Variants in SEPTIN4 observed in about 807,000 individuals in gnomAD.
The protein encoded by SEPTIN4 is septin-4.
A neutral mutation model predicts 107.1 loss-of-function variants in SEPTIN4; 52 were observed. The observed-to-expected ratio is 0.49, with a 90% CI of 0.39 to 0.61. The LOEUF is 0.61. SEPTIN4 is among the 20% of genes least tolerant of loss of function. The pLI is 0.00. For missense variants in SEPTIN4, 1,048 were observed against 1,243.5 expected (o/e 0.84, Z 2.36); for synonymous variants, 417 against 467.0 (o/e 0.89, Z 1.38).
intron 1 of SEPTIN4, among the ~76,000 whole-genome samples, chr17:58,542,342 C>G (rs181067146): frequency 1.3e-5 from 2 of 152,320 alleles, no homozygotes; most frequent in East Asian, 3.9e-4. Flanking sequence ...TTCAACCCTG[C>G]AAGCCCCTCT....
intron 3 of SEPTIN4, chr17:58,527,702 G>A: frequency 2.7e-6 from 1 of 367,344 alleles, no homozygotes; most frequent in Non-Finnish European, 3.8e-6. Flanking sequence ...TGGGTGGGAG[G>A]CAGCTGGGAG....
chr17:58,521,737 T>C lies in SEPTIN4; in HGVS notation c.2468A>G (p.Lys823Arg), dbSNP rs765642181. The C allele has an allele frequency of 6.2e-7, 1 of 1,614,196 alleles. No individual in the cohort carries two copies. The highest frequency in any genetic ancestry group is 1.1e-5 in the South Asian group (1 of 91,084). The change falls in exon 9 of 14, where the codon AAA becomes AGA. Residue 823 changes from lysine (K) to arginine (R), a missense_variant and splice_region_variant. Coordinates refer to ENST00000672673, the MANE Select transcript of SEPTIN4 (RefSeq NM_001368771.2). This position sits in a 1 kb window ranked among gnomAD's most constrained non-coding sequence, Gnocchi z 6.4. ...TPPEVDHKKR[K>R]IREEIEHFGI... ...CCTCCCACCACCAGCTTCCCTCACT[T>C]TGCGTTTCTTGTGGTCCACTTCGGG... is the stretch of plus-strand genomic sequence containing the variant.
At chr17:58,532,008 G>C (rs2043515168) in intron 3 of SEPTIN4, 1 of 1,136,588 alleles carries the variant, frequency 8.8e-7, no homozygotes, top group Non-Finnish European at 1.1e-6. Flanking sequence ...CAGCGCCCGA[G>C]CGACCCGCGG....
intron 2 of SEPTIN4, chr17:58,541,595 C>A (rs1055012157): frequency 5.7e-6 from 3 of 524,424 alleles, no homozygotes; most frequent in Non-Finnish European, 9.9e-6. Flanking sequence ...GTGAAGCAGG[C>A]GGTTTGCTTT....
Position 58,542,072 on chromosome 17 carries a change from G to A in SEPTIN4, c.1562-106C>T. Reference sequence around the variant, plus strand: ...CTAGCTCCACATTTCTCCACTCAAAGGTGCCCTCAGCCCTTGGTCCTCTCC... The same window carrying A: ...CTAGCTCCACATTTCTCCACTCAAAAGTGCCCTCAGCCCTTGGTCCTCTCC... On this transcript the variant is annotated intron_variant, in intron 1 of 13. Coordinates refer to ENST00000672673, the MANE Select transcript of SEPTIN4 (RefSeq NM_001368771.2). 5.2e-6 allele frequency: 7 copies of A among 1,339,620 alleles called. No individual in the cohort carries two copies. The South Asian group carries it at 9.4e-5, about 18-fold the overall frequency. The allele number at this position is 1,339,620 out of a possible 1,614,324, so 83.0% of individuals were successfully genotyped here. A position where few individuals can be genotyped will look rare whatever the true frequency, so the allele number is the denominator to read the frequency against.
Position 58,544,190 on chromosome 17 carries a change from A to T in SEPTIN4, c.-4T>A, listed in dbSNP as rs368473165. 7.5e-6 allele frequency: 12 copies of T among 1,606,394 alleles called. No homozygotes were observed. In the East Asian group the frequency reaches 2.7e-4, roughly 36 times the overall value. On this transcript the variant is annotated 5_prime_UTR_variant, in exon 1 of 14. Coordinates refer to ENST00000672673, the MANE Select transcript of SEPTIN4 (RefSeq NM_001368771.2). ...CAGGTTTATTTGTCTTGACCATCTG[A>T]TAGATTGTGCCCTTCTGAGTAGATC...
Position 58,522,087 on chromosome 17 carries a change from G to C in SEPTIN4, c.2231C>G (p.Ala744Gly). Residue 744 changes from alanine to glycine, a missense_variant, in exon 8 of 14, where the codon GCA becomes GGA. Coordinates refer to ENST00000672673, the MANE Select transcript of SEPTIN4 (RefSeq NM_001368771.2). ...CTCAAACTGCTGATCAATGTATTCTGCCACAGGCTTCCAGCTGGGGCAGGG... is the reference window on the plus strand; with the variant it reads ...CTCAAACTGCTGATCAATGTATTCTCCCACAGGCTTCCAGCTGGGGCAGGG... ...VNNTECWKPVAEYIDQQFEQY... is the reference protein window; with the variant it reads ...VNNTECWKPVGEYIDQQFEQY... The C allele has an allele frequency of 6.2e-7, 1 of 1,614,200 alleles. No homozygotes were observed. Among genetic ancestry groups the C allele is most frequent in the Non-Finnish European group, 8.5e-7 (1 of 1,180,044 alleles).
At chr17:58,531,859 C>T (rs2043494856) in intron 3 of SEPTIN4, 2 of 1,056,646 alleles carry the variant, frequency 1.9e-6, no homozygotes, top group Non-Finnish European at 2.3e-6. Context: ...CCTGCACAGC[C>T]GCGGCTGCGG....
In SEPTIN4 at chr17:58,543,893, G is replaced by A. The variant is rs1598325510; in HGVS notation, c.294C>T (p.Arg98=). Residue 98 remains arginine, a synonymous_variant, in exon 1 of 14, where the codon CGC becomes CGT. Transcript: ENST00000672673. ...PETGPRTESS[R]HSSPHLKSQK... is the part of the protein sequence containing the mutation. ...GGCTCTTTAGATGGGGAGAGGAATG[G>A]CGGGATGATTCTGTTCTTGGTCCAG... is the stretch of plus-strand genomic sequence containing the variant. 3 of 1,614,054 alleles carry A rather than the reference G, an allele frequency of 1.9e-6. No individual in the cohort carries two copies. In the East Asian group the frequency reaches 6.7e-5, roughly 36 times the overall value.
intron 7 of SEPTIN4, 69 bp from the exon 8 acceptor site, chr17:58,522,170 G>A: frequency 3.8e-6 from 6 of 1,591,010 alleles, no homozygotes; most frequent in Non-Finnish European, 5.2e-6. Context: ...TGGGACTACA[G>A]AGAAGTAGCC....
chr17:58,543,844 G>A lies in SEPTIN4; in HGVS notation c.343C>T (p.His115Tyr). 6.2e-7 allele frequency: 1 copy of A among 1,614,146 alleles called. No homozygotes were observed. Among genetic ancestry groups the A allele is most frequent in the Non-Finnish European group, 8.5e-7 (1 of 1,180,024 alleles). ...KSQKTQTLASHASSRQWKVSP... is the reference protein window; with the variant it reads ...KSQKTQTLASYASSRQWKVSP... The stretch of plus-strand genomic sequence containing the variant: ...ACTTTCCATTGTCTGCTTGAAGCAT[G>A]GGAAGCCAGTGTCTGAGTCTTCTGG... The change falls in exon 1 of 14, where the codon CAT (histidine) becomes TAT (tyrosine). Residue 115 changes from histidine (H) to tyrosine (Y), a missense_variant. His to Tyr is a moderately conservative substitution (Grantham distance 83). Transcript: ENST00000672673.
Position 58,528,105 on chromosome 17 carries a change from G to T in SEPTIN4, c.1615-1127C>A, listed in dbSNP as rs867933548. The T allele has an allele frequency of 9.8e-6, 9 of 914,744 alleles. No individual in the cohort carries two copies. In the South Asian group the frequency reaches 4.0e-4, roughly 41 times the overall value. The allele number at this position is 914,744 out of a possible 1,614,324, so 56.7% of individuals were successfully genotyped here. A position where few individuals can be genotyped will look rare whatever the true frequency, so the allele number is the denominator to read the frequency against. On this transcript the variant is annotated intron_variant, in intron 3 of 13. Coordinates refer to ENST00000672673, the MANE Select transcript of SEPTIN4 (RefSeq NM_001368771.2). ...TGCCACCCCCAGACAATGGACAAGG[G>T]CCGGCTGCAGAGGCTGACTCACTCT... is the stretch of plus-strand genomic sequence containing the variant.
chr17:58,521,878 C>G lies in SEPTIN4; in HGVS notation c.2352-25G>C. 6.2e-7 allele frequency: 1 copy of G among 1,614,236 alleles called. No homozygotes were observed. Among genetic ancestry groups the G allele is most frequent in the African/African-American group, 1.3e-5 (1 of 75,070 alleles). On this transcript the variant is annotated intron_variant, in intron 8 of 13. Coordinates refer to ENST00000672673, the MANE Select transcript of SEPTIN4 (RefSeq NM_001368771.2). The surrounding 1 kb of genome is among the most constrained non-coding windows in gnomAD (Gnocchi z 6.4). ...CCTGGGGAACAGGAACCTGTGACCA[C>G]CTGCTAGTGGCAGCCCTGCCCCTGG...
chr17:58,541,656 C>T, intron 2 of SEPTIN4: 1 of 975,986 alleles, frequency 1.0e-6, no homozygotes, highest in Non-Finnish European at 1.5e-6. Flanking sequence ...CTGAAAAGGC[C>T]ATGAGGCTTA....
At position 58,543,472 on chromosome 17, in the gene SEPTIN4, C is replaced by T. The variant is rs761374677; in HGVS notation, c.715G>A (p.Ala239Thr). 2.5e-6 allele frequency: 4 copies of T among 1,614,194 alleles called. No individual in the cohort carries two copies. In the South Asian group the frequency reaches 3.3e-5, roughly 13 times the overall value. ...TCTTCTACAGGGACCCTTCTCTGGG[C>T]TGTCTGATAGTCTGCAGAGACACAG... is the stretch of plus-strand genomic sequence containing the variant. ...SSCVSADYQT[A>T]QRRVPVEESE... The change falls in exon 1 of 14, where the codon GCC becomes ACC. Residue 239 changes from alanine (A) to threonine (T), a missense_variant. By Grantham distance (58) the Ala-to-Thr change is moderately conservative. This residue lies in a region of SEPTIN4 where 787 missense variants were observed against 871.8 expected (regional missense o/e 0.90). Coordinates refer to ENST00000672673, the MANE Select transcript of SEPTIN4 (RefSeq NM_001368771.2).
chr17:58,520,948 C>T (rs1366896781), intron 12 of SEPTIN4, 50 bp downstream of exon 12: 2 of 1,612,148 alleles, frequency 1.2e-6, no homozygotes, highest in South Asian at 2.2e-5. Context: ...TCACCCAAGG[C>T]TAGGCTTGGG....
At chr17:58,535,985 C>T (rs2043696215) in intron 3 of SEPTIN4, among the ~76,000 whole-genome samples, 1 of 152,228 alleles carries the variant, frequency 6.6e-6, no homozygotes, top group South Asian at 2.1e-4. Context: ...CACCTCCCAG[C>T]CCCGTGGTTC....
intron 3 of SEPTIN4, 23 bp downstream of exon 3, chr17:58,540,643 T>TA: frequency 7.4e-7 from 1 of 1,346,458 alleles, no homozygotes; most frequent in Non-Finnish European, 9.5e-7. Context: ...AGACTGGGAG[T>TA]AACCTCCCAG....
At chr17:58,536,618 T>G (rs936738436) in intron 3 of SEPTIN4, among the ~76,000 whole-genome samples, 5 of 152,148 alleles carry the variant, frequency 3.3e-5, no homozygotes, top group African/African-American at 1.2e-4. Flanking sequence ...GCAGTGGGTG[T>G]GCCAAGGAAG....
Sources: gnomAD v4.1 joint callset for allele counts (sites outside exome capture counted in the v4.1 genomes callset) on GRCh38, gnomAD v4.1.1 for gene constraint, gnomAD v4.1.1 regional missense constraint, Gnocchi (gnomAD v3.1) non-coding constraint, MANE v1.5 for transcripts, NCBI Gene and HGNC (gene_info 2026-07-23, HGNC 2026-07-21) for gene names.